Variants in SAMD4B observed in about 807,000 individuals in gnomAD.
SAMD4B encodes sterile alpha motif domain containing 4B, also known as protein Smaug homolog 2.
In SAMD4B, 5 loss-of-function variants were observed where a neutral mutation model predicts 74.5. The observed-to-expected ratio is 0.07, with a 90% CI of 0.04 to 0.14. The LOEUF is 0.14. SAMD4B is among the 10% of genes least tolerant of loss of function. The probability of loss-of-function intolerance (pLI) is 1.00; values close to 1 mark genes in which losing one functional copy is unlikely to be tolerated. For synonymous variants in SAMD4B, 373 were observed against 374.9 expected (o/e 1.00, Z 0.06); for missense variants, 608 against 921.8 (o/e 0.66, Z 4.41).
chr19:39,376,017 T>C (rs960343915), intron 5 of SAMD4B, 128 bp downstream of exon 5: 1 of 1,237,568 alleles, frequency 8.1e-7, no homozygotes, highest in Non-Finnish European at 1.1e-6. Context: ...GGGGAGTAGA[T>C]AGTCCCTGCT....
intron 4 of SAMD4B, 106 bp downstream of exon 4, chr19:39,370,231 G>A (rs2077207359): frequency 6.2e-6 from 7 of 1,124,500 alleles, no homozygotes; most frequent in African/African-American, 1.5e-5. Context: ...CACATAAGCT[G>A]TAGGCCTCAA....
At chr19:39,351,676 C>T (rs1351085076) in intron 1 of SAMD4B, 1 of 152,128 alleles carries the variant, frequency 6.6e-6, no homozygotes, top group Non-Finnish European at 1.5e-5. Flanking sequence ...TTTCCCCCTC[C>T]CCCATCTCTT....
At chr19:39,347,691 G>T (rs1411597874) in intron 1 of SAMD4B, among the ~76,000 whole-genome samples, 2 of 152,212 alleles carry the variant, frequency 1.3e-5, no homozygotes, top group African/African-American at 4.8e-5. Flanking sequence ...CTTTGGAAGA[G>T]AGTTAAGTAG....
chr19:39,355,198 T>C lies in SAMD4B; in HGVS notation c.-206+1132T>C, dbSNP rs78362610. Among the ~76,000 whole-genome samples, 494 of 152,296 alleles carry C rather than the reference T, an allele frequency of 3.2e-3. 6 individuals are homozygous for C. The highest frequency in any genetic ancestry group is 0.012 in the African/African-American group (479 of 41,568). On this transcript the variant is annotated intron_variant, in intron 2 of 13. Transcript: ENST00000610417. ...TTATTTAGATTTTATTTAAGTGCAA[T>C]GGGAAGTCATTGGAGAATTTTAGGC...
downstream of SAMD4B, chr19:39,390,064 C>T: frequency 6.2e-7 from 1 of 1,609,206 alleles, no homozygotes; most frequent in Non-Finnish European, 8.5e-7. Flanking sequence ...ATTCCTTAGT[C>T]TCACCTGTTC....
In SAMD4B at chr19:39,383,839, T is replaced by G. The variant is rs1409811251; in HGVS notation, c.*312T>G. The stretch of plus-strand genomic sequence containing the variant: ...CACCTGGTCCCATCCCACCCCTGCC[T>G]CCTCCAGACCGCTGACCACCTGCCT... On this transcript the variant is annotated 3_prime_UTR_variant, in exon 14 of 14. Coordinates refer to ENST00000610417, the MANE Select transcript of SAMD4B (RefSeq NM_001384574.2). The surrounding 1 kb of genome is among the most constrained non-coding windows in gnomAD (Gnocchi z 4.1). The G allele has an allele frequency of 1.1e-5, 10 of 906,618 alleles. No individual in the cohort carries two copies. In the East Asian group the frequency reaches 2.7e-4, roughly 24 times the overall value. 56.2% of individuals were successfully genotyped at this position (906,618 alleles called of 1,614,324 possible). A position where few individuals can be genotyped will look rare whatever the true frequency, so the allele number is the denominator to read the frequency against.
chr19:39,373,621 A>C (rs1287497413), intron 4 of SAMD4B, among the ~76,000 whole-genome samples: 4 of 152,068 alleles, frequency 2.6e-5, no homozygotes, highest in Non-Finnish European at 5.9e-5. Flanking sequence ...GCACAGATAA[A>C]GGTCTGGGAG....
At chr19:39,349,069 G>A (rs1420813176) in intron 1 of SAMD4B, among the ~76,000 whole-genome samples, 2 of 152,214 alleles carry the variant, frequency 1.3e-5, no homozygotes, top group Non-Finnish European at 2.9e-5. Flanking sequence ...GGTAGTAAGT[G>A]GCAGGCTTAT....
intron 12 of SAMD4B, among the ~76,000 whole-genome samples, chr19:39,382,601 G>C (rs1029837109): frequency 3.3e-5 from 5 of 152,138 alleles, no homozygotes; most frequent in African/African-American, 1.2e-4. Flanking sequence ...AGTCAGGGAA[G>C]GGTTTAAGCA....
intron 3 of SAMD4B, among the ~76,000 whole-genome samples, chr19:39,361,625 G>A (rs1600541166): frequency 7.4e-6 from 1 of 135,108 alleles, no homozygotes; most frequent in African/African-American, 2.8e-5. Context: ...AAAAAAAAAA[G>A]AGTTGCCTGT....
At chr19:39,349,464 C>T (rs2075896625) in intron 1 of SAMD4B, among the ~76,000 whole-genome samples, 1 of 152,142 alleles carries the variant, frequency 6.6e-6, no homozygotes, top group South Asian at 2.1e-4. Context: ...CCTGGCTTCT[C>T]CTCTCCTCTC....
chr19:39,366,868 C>A (rs1230825142), intron 3 of SAMD4B, among the ~76,000 whole-genome samples: 1 of 152,054 alleles, frequency 6.6e-6, no homozygotes, highest in Non-Finnish European at 1.5e-5. Context: ...CCAAGACTTT[C>A]CTTATAGGTG....
chr19:39,364,934 G>A (rs1025970190), intron 3 of SAMD4B, among the ~76,000 whole-genome samples: 1 of 152,104 alleles, frequency 6.6e-6, no homozygotes, highest in African/African-American at 2.4e-5. Flanking sequence ...GAGATAAAAG[G>A]TTGTGGGTAA....
At chr19:39,359,659 A>G (rs1481755093) in intron 3 of SAMD4B, among the ~76,000 whole-genome samples, 1 of 152,152 alleles carries the variant, frequency 6.6e-6, no homozygotes, top group Non-Finnish European at 1.5e-5. Context: ...TACAGAGGAG[A>G]CTGTAGGTCT....
intron 3 of SAMD4B, among the ~76,000 whole-genome samples, chr19:39,357,743 C>T (rs2076413387): frequency 6.6e-6 from 1 of 152,268 alleles, no homozygotes; most frequent in Admixed American, 6.5e-5. Context: ...TCTGGGCCTC[C>T]ACAGGGCTGG....
intron 3 of SAMD4B, among the ~76,000 whole-genome samples, chr19:39,357,357 A>C (rs1029332088): frequency 2.0e-5 from 3 of 152,164 alleles, no homozygotes; most frequent in Non-Finnish European, 4.4e-5. Context: ...AGAGTGGCTT[A>C]TGTGGGCTGC....
At chr19:39,389,401 G>A (rs1436242382), downstream of SAMD4B, 5 of 1,613,204 alleles carry the variant, frequency 3.1e-6, no homozygotes, top group East Asian at 4.5e-5. This position sits in a 1 kb window ranked among gnomAD's most constrained non-coding sequence, Gnocchi z 5.3. Flanking sequence ...GGGAAATCAG[G>A]TATCTCAGGA....
At position 39,377,716 on chromosome 19, in the gene SAMD4B, A is replaced by G. The variant is rs1203895786; in HGVS notation, c.1336A>G (p.Asn446Asp). ...TEAKDPPAVE[N>D]YPPPPAPAPT... ...GGCCAAGGACCCTCCAGCTGTGGAG[A>G]ACTACCCACCTCCACCAGCTCCAGC... The change falls in exon 8 of 14, where the codon AAC (asparagine) becomes GAC (aspartate). Residue 446 changes from asparagine (N) to aspartate (D), a missense_variant. By Grantham distance (23) the Asn-to-Asp change is conservative. This residue lies in a region of SAMD4B where 99 missense variants were observed against 112.1 expected (regional missense o/e 0.88). Coordinates refer to ENST00000610417, the MANE Select transcript of SAMD4B (RefSeq NM_001384574.2). 6.2e-7 allele frequency: 1 copy of G among 1,614,160 alleles called. No homozygotes were observed. Among genetic ancestry groups the G allele is most frequent in the African/African-American group, 1.3e-5 (1 of 75,048 alleles).
At chr19:39,376,098 C>A (rs2077584504) in intron 5 of SAMD4B, among the ~76,000 whole-genome samples, 1 of 152,112 alleles carries the variant, frequency 6.6e-6, no homozygotes, top group Non-Finnish European at 1.5e-5. Flanking sequence ...TGGGAAGGAG[C>A]CCCCTGTCTT....
Sources: gnomAD v4.1 joint callset for allele counts (sites outside exome capture counted in the v4.1 genomes callset) on GRCh38, gnomAD v4.1.1 for gene constraint, gnomAD v4.1.1 regional missense constraint, Gnocchi (gnomAD v3.1) non-coding constraint, MANE v1.5 for transcripts, NCBI Gene and HGNC (gene_info 2026-07-23, HGNC 2026-07-21) for gene names.